LRBA: variants seen among roughly 807,000 people sequenced by gnomAD.
LRBA encodes LPS responsive beige-like anchor protein, also known as lipopolysaccharide-responsive and beige-like anchor protein.
In LRBA, 176 loss-of-function variants were observed where a neutral mutation model predicts 330.0. The ratio of observed to expected loss-of-function variants is 0.53; its 90% CI spans 0.47 to 0.60. The LOEUF (loss-of-function observed/expected upper bound fraction) is 0.60, where lower values mean the gene tolerates loss of function less well. Ranked by LOEUF, LRBA falls within the 20% of genes least tolerant of loss-of-function variation. The pLI is 0.00. For synonymous variants in LRBA, 1,230 were observed against 1,193.0 expected (o/e 1.03, Z -0.64); for missense variants, 3,259 against 3,444.8 (o/e 0.95, Z 1.35).
At chr4:150,646,377 A>G (rs1779139063) in intron 37 of LRBA, among the ~76,000 whole-genome samples, 1 of 152,048 alleles carries the variant, frequency 6.6e-6, no homozygotes, top group South Asian at 2.1e-4. Flanking sequence ...AAGTTTAATA[A>G]ATCTACCAAA....
chr4:150,949,527 G>C (rs977182600), intron 2 of LRBA, among the ~76,000 whole-genome samples: 4 of 151,972 alleles, frequency 2.6e-5, no homozygotes, highest in Non-Finnish European at 5.9e-5. Flanking sequence ...TTTCCCATTG[G>C]GGGAAACCGG....
At chr4:150,839,183 A>G (rs1044550949) in intron 28 of LRBA, among the ~76,000 whole-genome samples, 3 of 152,234 alleles carry the variant, frequency 2.0e-5, no homozygotes, top group African/African-American at 7.2e-5. Flanking sequence ...CAAGACCACA[A>G]TGAGATACCA....
At chr4:150,668,606 T>A (rs1358694628) in intron 37 of LRBA, among the ~76,000 whole-genome samples, 1 of 152,262 alleles carries the variant, frequency 6.6e-6, no homozygotes, top group Non-Finnish European at 1.5e-5. Context: ...GAACCTGTAA[T>A]TCTTTCATTC....
At chr4:150,608,147 G>A (rs540206103) in intron 37 of LRBA, among the ~76,000 whole-genome samples, 1 of 152,294 alleles carries the variant, frequency 6.6e-6, no homozygotes, top group Non-Finnish European at 1.5e-5. Context: ...AGAGGTTGAG[G>A]TTGCAGTGAG....
intron 46 of LRBA, among the ~76,000 whole-genome samples, chr4:150,427,940 T>C (rs1204009764): frequency 6.6e-6 from 1 of 151,936 alleles, no homozygotes; most frequent in Non-Finnish European, 1.5e-5. Context: ...AGAAGAAACC[T>C]AATTTATCTT....
At chr4:150,499,525 G>T (rs1273227915) in intron 40 of LRBA, among the ~76,000 whole-genome samples, 3 of 151,960 alleles carry the variant, frequency 2.0e-5, no homozygotes, top group Non-Finnish European at 4.4e-5. Flanking sequence ...CTGTAGTTCC[G>T]GCTACTCCAG....
chr4:150,969,824 T>C (rs373460976), intron 2 of LRBA, among the ~76,000 whole-genome samples: 1 of 152,208 alleles, frequency 6.6e-6, no homozygotes, highest in Non-Finnish European at 1.5e-5. Flanking sequence ...ATGAGTATTG[T>C]TGAGATAACA....
At chr4:150,629,208 T>C (rs1561443820) in intron 37 of LRBA, among the ~76,000 whole-genome samples, 1 of 152,192 alleles carries the variant, frequency 6.6e-6, no homozygotes, top group Non-Finnish European at 1.5e-5. Flanking sequence ...AGCCTCAAAA[T>C]GTCAATGTAA....
At chr4:150,846,505 G>T (rs1282815012) in intron 26 of LRBA, among the ~76,000 whole-genome samples, 1 of 151,312 alleles carries the variant, frequency 6.6e-6, no homozygotes, top group Non-Finnish European at 1.5e-5. Flanking sequence ...ACTCCAGCCT[G>T]GCGACAGAGT....
At chr4:150,908,569 T>A in intron 10 of LRBA, 91 bp downstream of exon 10, 1 of 1,432,200 alleles carries the variant, frequency 7.0e-7, no homozygotes, top group Non-Finnish European at 9.6e-7. Flanking sequence ...AAACGTGACA[T>A]TCCATGTGTT....
At position 150,761,851 on chromosome 4, in the gene LRBA, T is replaced by TA. The variant is rs760075270; in HGVS notation, c.5581-5dup. On this transcript the variant is annotated splice_region_variant and splice_polypyrimidine_tract_variant and intron_variant, in intron 34 of 56. Coordinates refer to ENST00000651943, the MANE Select transcript of LRBA (RefSeq NM_001364905.1). ...TCTGAATAGAATTTTGCCACTCCTA[T>TA]AAAAAAAAAAGCAAAAATAGCTGAA... The TA allele has an allele frequency of 9.1e-3, 11,511 of 1,264,252 alleles. 1 individual carries two copies. The highest frequency in any genetic ancestry group is 0.012 in the South Asian group (708 of 60,738). The allele number at this position is 1,264,252 out of a possible 1,614,324, so 78.3% of individuals were successfully genotyped here. A position where few individuals can be genotyped will look rare whatever the true frequency, so the allele number is the denominator to read the frequency against.
At position 150,582,724 on chromosome 4, in the gene LRBA, C is replaced by T. The variant is rs190637038; in HGVS notation, c.6330+5324G>A. On this transcript the variant is annotated intron_variant, in intron 40 of 56. Coordinates refer to ENST00000651943, the MANE Select transcript of LRBA (RefSeq NM_001364905.1). ...TCACGCCCACCCCGCTTCTCTCGCACACGGTCATCTTTACATATCAAGAGA... is the reference window on the plus strand; with the variant it reads ...TCACGCCCACCCCGCTTCTCTCGCATACGGTCATCTTTACATATCAAGAGA... 343 of 284,766 alleles carry T rather than the reference C, an allele frequency of 1.2e-3. 1 individual carries two copies. The South Asian group carries it at 0.016, about 13-fold the overall frequency. The allele number at this position is 284,766 out of a possible 1,614,324, so 17.6% of individuals were successfully genotyped here.
intron 47 of LRBA, among the ~76,000 whole-genome samples, chr4:150,411,634 G>A (rs1747019501): frequency 6.6e-6 from 1 of 152,184 alleles, no homozygotes; most frequent in Non-Finnish European, 1.5e-5. Context: ...CACACAGCTT[G>A]ATGTGGCTCT....
intron 45 of LRBA, among the ~76,000 whole-genome samples, chr4:150,436,065 A>C (rs2151994210): frequency 6.6e-6 from 1 of 152,178 alleles, no homozygotes. Context: ...TCAATATTTA[A>C]TTTATGATTA....
intron 15 of LRBA, 132 bp from the exon 16 acceptor site, chr4:150,896,588 T>G (rs1323287766): frequency 2.0e-6 from 1 of 501,290 alleles, no homozygotes; most frequent in African/African-American, 2.0e-5. Context: ...CAATCTAAAT[T>G]TAAAACAAAA....
chr4:150,693,377 A>C (rs1784312475), intron 36 of LRBA, among the ~76,000 whole-genome samples: 2 of 151,326 alleles, frequency 1.3e-5, no homozygotes, highest in Non-Finnish European at 3.0e-5. Context: ...TCCCGGCTAA[A>C]ACGGTGAAAC....
intron 37 of LRBA, among the ~76,000 whole-genome samples, chr4:150,636,666 C>G (rs1456032636): frequency 6.6e-6 from 1 of 152,108 alleles, no homozygotes; most frequent in African/African-American, 2.4e-5. Flanking sequence ...ATGGCTCATG[C>G]CCGTAATCCC....
chr4:150,572,306 T>C (rs1337452041), intron 40 of LRBA, among the ~76,000 whole-genome samples: 1 of 152,132 alleles, frequency 6.6e-6, no homozygotes, highest in African/African-American at 2.4e-5. Flanking sequence ...TCTTTTTTTC[T>C]ATTTAAAATT....
At chr4:150,423,804 C>T (rs1297015605) in intron 46 of LRBA, among the ~76,000 whole-genome samples, 3 of 152,144 alleles carry the variant, frequency 2.0e-5, no homozygotes, top group African/African-American at 7.2e-5. Context: ...TTAGAGAGAA[C>T]TGTTTTAGGG....
Sources: allele counts gnomAD v4.1 joint callset (sites outside exome capture counted in the v4.1 genomes callset), GRCh38; gene constraint gnomAD v4.1.1; transcripts MANE v1.5; gene names NCBI Gene and HGNC (gene_info 2026-07-23, HGNC 2026-07-21).